INSC: variants seen among roughly 807,000 people sequenced by gnomAD.
The protein encoded by INSC is protein inscuteable homolog.
INSC carries 67 observed loss-of-function variants against 58.6 expected under a neutral mutation model. The ratio of observed to expected loss-of-function variants is 1.14; its 90% confidence interval spans 0.94 to 1.40. INSC has a LOEUF of 1.40. INSC is among the 40% of genes most tolerant of loss of function. The pLI is 0.00. For synonymous variants in INSC, 262 were observed against 276.1 expected (o/e 0.95, Z 0.51); for missense variants, 714 against 692.0 (o/e 1.03, Z -0.36).
In INSC at chr11:15,246,076, A is replaced by ACACCCCC. The variant is rs776503219; in HGVS notation, c.*37_*43dup. 3 of 1,612,468 alleles carry ACACCCCC rather than the reference A, an allele frequency of 1.9e-6. No individual in the cohort carries two copies. In the African/African-American group the frequency reaches 4.0e-5, roughly 22 times the overall value. On this transcript the variant is annotated 3_prime_UTR_variant, in exon 13 of 13. Transcript: ENST00000379556. Reference sequence around the variant, plus strand: ...CGAAGAAATACATTTGGCTGTTCTCACACCCCCTCTGACTATGCACCAGTG... The same window carrying ACACCCCC: ...CGAAGAAATACATTTGGCTGTTCTCACACCCCCCACCCCCTCTGACTATGCACCAGTG...
chr11:15,201,742 G>C (rs146947252), intron 7 of INSC, among the ~76,000 whole-genome samples: 2,463 of 152,274 alleles, frequency 0.016, 33 homozygotes, highest in Non-Finnish European at 0.025. Flanking sequence ...AATTCTTATA[G>C]AAAAGTGGAA....
At chr11:15,192,896 A>G (rs931896027) in intron 6 of INSC, among the ~76,000 whole-genome samples, 6 of 152,234 alleles carry the variant, frequency 3.9e-5, no homozygotes, top group African/African-American at 1.2e-4. Flanking sequence ...ATATTGGAAG[A>G]GAATTCACAT....
chr11:15,253,643 T>A, the INSC span, among the ~76,000 whole-genome samples: 17 of 151,682 alleles, frequency 1.1e-4, no homozygotes, highest in Middle Eastern at 3.4e-3. Context: ...TTTTTTTTTT[T>A]TAATAATATT....
rs1221679117 is a variant in INSC at position 15,144,527 on chromosome 11, C to T, written c.-45-4603C>T. Among the ~76,000 whole-genome samples, 5 of 152,302 alleles carry T rather than the reference C, an allele frequency of 3.3e-5. No individual in the cohort carries two copies. The South Asian group carries it at 6.2e-4, about 19-fold the overall frequency. ...CCAACTCCTCTTCAACTCCCAGCAG[C>T]CTCCTCCCTGTTCCTAGAGCTGCCG... is the stretch of plus-strand genomic sequence containing the variant. On this transcript the variant is annotated intron_variant, in intron 1 of 12. Transcript: ENST00000379556.
Position 15,190,749 on chromosome 11 carries a change from T to A in INSC, c.628T>A (p.Ser210Thr). Residue 210 changes from serine (S) to threonine (T), a missense_variant, in exon 6 of 13, where the codon TCC (serine) becomes ACC (threonine). Ser to Thr is a moderately conservative substitution (Grantham distance 58). Coordinates refer to ENST00000379556, the MANE Select transcript of INSC (RefSeq NM_001042536.3). ...DASDNIYTTE[S>T]TTGNLFSLTQ... is the part of the protein sequence containing the mutation. ...CTCAGACAATATCTACACCACAGAG[T>A]CCACCACAGGGAACCTGTTCAGCCT... 1 of 1,613,802 alleles carries A rather than the reference T, an allele frequency of 6.2e-7. No individual in the cohort carries two copies. The highest frequency in any genetic ancestry group is 8.5e-7 in the Non-Finnish European group (1 of 1,179,818).
upstream of INSC, among the ~76,000 whole-genome samples, chr11:15,112,783 A>T (rs560373188): frequency 5.9e-5 from 9 of 152,048 alleles, no homozygotes; most frequent in Non-Finnish European, 1.2e-4. Context: ...GCTAACATCG[A>T]TCTGTTTATG....
At chr11:15,244,856 G>C (rs1392586683) in intron 12 of INSC, among the ~76,000 whole-genome samples, 2 of 152,160 alleles carry the variant, frequency 1.3e-5, no homozygotes, top group African/African-American at 4.8e-5. Flanking sequence ...TGCTCAGGAA[G>C]AGGGAAGAAA....
chr11:15,252,885 T>G, the INSC span, among the ~76,000 whole-genome samples: 3 of 152,220 alleles, frequency 2.0e-5, no homozygotes, highest in African/African-American at 7.2e-5. Context: ...CTTTCTAAAC[T>G]GCTCACTCAA....
chr11:15,254,109 G>T, the INSC span, among the ~76,000 whole-genome samples: 43 of 152,328 alleles, frequency 2.8e-4, no homozygotes, highest in African/African-American at 9.1e-4. Flanking sequence ...ACCTTTGTGA[G>T]TTGGGTGCTA....
intron 2 of INSC, among the ~76,000 whole-genome samples, chr11:15,162,763 G>A (rs1473094498): frequency 6.6e-6 from 1 of 152,188 alleles, no homozygotes; most frequent in Non-Finnish European, 1.5e-5. Context: ...ACTTGTGACA[G>A]TATGTTGGCC....
intron 2 of INSC, 128 bp from the exon 3 acceptor site, chr11:15,175,613 G>A: frequency 1.7e-6 from 1 of 578,848 alleles, no homozygotes; most frequent in South Asian, 4.2e-5. Flanking sequence ...GAATATCAAG[G>A]TGCATGAATG....
chr11:15,164,597 C>G (rs1849131677), intron 2 of INSC, among the ~76,000 whole-genome samples: 2 of 152,188 alleles, frequency 1.3e-5, no homozygotes, highest in Non-Finnish European at 2.9e-5. Flanking sequence ...TAGTTTCAGC[C>G]ACTGTTCTCA....
chr11:15,191,362 A>G (rs1002696305), intron 6 of INSC, among the ~76,000 whole-genome samples: 1 of 152,124 alleles, frequency 6.6e-6, no homozygotes, highest in Non-Finnish European at 1.5e-5. Flanking sequence ...CAGAGCCTCT[A>G]TCATCTTTCT....
the INSC span, among the ~76,000 whole-genome samples, chr11:15,263,421 A>T: frequency 6.6e-6 from 1 of 152,138 alleles, no homozygotes; most frequent in Non-Finnish European, 1.5e-5. Flanking sequence ...ATATGTGTAG[A>T]TATAAAAATG....
intron 1 of INSC, among the ~76,000 whole-genome samples, chr11:15,123,825 A>G (rs1050896347): frequency 1.3e-5 from 2 of 152,210 alleles, no homozygotes; most frequent in African/African-American, 4.8e-5. Context: ...TGTATAAAAT[A>G]TCTTTACAAT....
At chr11:15,253,891 T>C in the INSC span, among the ~76,000 whole-genome samples, 1 of 152,146 alleles carries the variant, frequency 6.6e-6, no homozygotes, top group Non-Finnish European at 1.5e-5. Flanking sequence ...AACTTGGCCA[T>C]ATCTATGTTC....
At chr11:15,224,858 T>C (rs1259057530) in intron 8 of INSC, among the ~76,000 whole-genome samples, 1 of 152,152 alleles carries the variant, frequency 6.6e-6, no homozygotes, top group Non-Finnish European at 1.5e-5. Flanking sequence ...ACCACTAGGA[T>C]TAAAGAGCCT....
At chr11:15,147,995 G>A (rs1848536773) in intron 1 of INSC, among the ~76,000 whole-genome samples, 1 of 152,230 alleles carries the variant, frequency 6.6e-6, no homozygotes, top group Admixed American at 6.5e-5. Context: ...TGGGCTTGGG[G>A]GAGTTGGCAG....
chr11:15,268,456 C>T, the INSC span, among the ~76,000 whole-genome samples: 4 of 151,914 alleles, frequency 2.6e-5, no homozygotes, highest in South Asian at 2.1e-4. Context: ...ATATGATTCT[C>T]GATCAGTGAA....
Sources: allele counts gnomAD v4.1 joint callset (sites outside exome capture counted in the v4.1 genomes callset), GRCh38; gene constraint gnomAD v4.1.1; transcripts MANE v1.5; gene names NCBI Gene and HGNC (gene_info 2026-07-23, HGNC 2026-07-21).